Variants in ZKSCAN3 observed in about 807,000 individuals in gnomAD.
The protein encoded by ZKSCAN3 is zinc finger protein with KRAB and SCAN domains 3.
Under a neutral mutation model 30.7 loss-of-function variants are expected in ZKSCAN3, and 21 were observed. The ratio of observed to expected loss-of-function variants is 0.68; its 90% CI spans 0.49 to 0.99. The LOEUF (loss-of-function observed/expected upper bound fraction) is 0.99, where lower values mean the gene tolerates loss of function less well. ZKSCAN3 is among the 50% of genes least tolerant of loss of function. The pLI is 0.00. For synonymous variants in ZKSCAN3, 201 were observed against 246.7 expected, an observed-to-expected ratio of 0.81 and a Z score of 1.73; for missense variants, 507 against 647.1, an observed-to-expected ratio of 0.78 and a Z score of 2.35.
intron 4 of ZKSCAN3, 38 bp downstream of exon 4, chr6:28,363,423 C>A: frequency 1.3e-6 from 2 of 1,588,090 alleles, no homozygotes; most frequent in Middle Eastern, 1.7e-4. Context: ...ATGCCCCTCA[C>A]TACTATTGAG....
At chr6:28,360,599 A>G in intron 2 of ZKSCAN3, 3 of 973,300 alleles carry the variant, frequency 3.1e-6, no homozygotes, top group African/African-American at 3.9e-5. Flanking sequence ...TCCCTGTTTT[A>G]TGAGACTGTG....
At chr6:28,356,646 G>A (rs915763131) in intron 1 of ZKSCAN3, among the ~76,000 whole-genome samples, 1 of 152,246 alleles carries the variant, frequency 6.6e-6, no homozygotes, top group Non-Finnish European at 1.5e-5. Flanking sequence ...TCCCTGCACT[G>A]CGTCCAGCAG....
intron 2 of ZKSCAN3, chr6:28,360,736 C>T (rs982714130): frequency 8.1e-6 from 8 of 985,300 alleles, no homozygotes; most frequent in Admixed American, 1.2e-4. Flanking sequence ...AGGCCTGTAA[C>T]AGTGGAAAGT....
Position 28,359,792 on chromosome 6 carries a change from A to AGCTCT in ZKSCAN3, c.209_213dup (p.Arg72SerfsTer26). On this transcript the variant is annotated frameshift_variant, in exon 2 of 6. Coordinates refer to ENST00000252211, the MANE Select transcript of ZKSCAN3 (RefSeq NM_024493.4). LOFTEE classifies it high-confidence loss of function. ...CGCGAGGCGCTGAGTCGGCTCCGAGAGCTCTGCCGACAGTGGCTGCAGCCT... is the reference window on the plus strand; with the variant it reads ...CGCGAGGCGCTGAGTCGGCTCCGAGAGCTCTGCTCTGCCGACAGTGGCTGCAGCCT... 1 of 1,614,182 alleles carries AGCTCT rather than the reference A, an allele frequency of 6.2e-7. No individual in the cohort carries two copies. The highest frequency in any genetic ancestry group is 8.5e-7 in the Non-Finnish European group (1 of 1,180,040).
intron 1 of ZKSCAN3, among the ~76,000 whole-genome samples, chr6:28,359,024 G>A (rs1393002978): frequency 3.9e-5 from 6 of 152,138 alleles, no homozygotes; most frequent in Non-Finnish European, 4.4e-5. Flanking sequence ...TGTTGGTAGG[G>A]CTGGGCTATT....
At position 28,366,029 on chromosome 6, in the gene ZKSCAN3, T is replaced by A; in HGVS notation, c.1361T>A (p.Val454Asp). 6.2e-7 allele frequency: 1 copy of A among 1,612,422 alleles called. No homozygotes were observed. The highest frequency in any genetic ancestry group is 8.5e-7 in the Non-Finnish European group (1 of 1,179,352). The change falls in exon 6 of 6, where the codon GTT (valine) becomes GAT (aspartate). Residue 454 changes from valine (V) to aspartate (D), a missense_variant. By Grantham distance (152) the Val-to-Asp change is radical. Transcript: ENST00000252211. ...AGGATCCATACTGGGGATAAAAATG[T>A]TCAGGAACCTGAGCAGGGAGAGGCC... is the stretch of plus-strand genomic sequence containing the variant. ...HQRIHTGDKN[V>D]QEPEQGEAWK...
chr6:28,362,992 T>C (rs1765823388), intron 3 of ZKSCAN3, among the ~76,000 whole-genome samples: 1 of 152,236 alleles, frequency 6.6e-6, no homozygotes, highest in South Asian at 2.1e-4. Context: ...TGCATTGTTT[T>C]CGTGTATCTG....
rs139866117 is a variant in ZKSCAN3, at chr6:28,351,288, G to C, written c.-63+1221G>C. Among the ~76,000 whole-genome samples, 1 of 152,248 alleles carries C rather than the reference G, an allele frequency of 6.6e-6. No homozygotes were observed. The highest frequency in any genetic ancestry group is 1.9e-4 in the East Asian group (1 of 5,180). ...AGTTTGTGGAATAAATGATATAAAT[G>C]TATCAGTGTTGTTTTCCTGCCATAG... On this transcript the variant is annotated intron_variant, in intron 1 of 5. Transcript: ENST00000252211. The surrounding 1 kb of genome is among the most constrained non-coding windows in gnomAD (Gnocchi z 4.6).
rs1307731804 is a variant in ZKSCAN3, at chr6:28,368,894, G to C, written c.*2609G>C. On this transcript the variant is annotated 3_prime_UTR_variant, in exon 6 of 6. Coordinates refer to ENST00000252211, the MANE Select transcript of ZKSCAN3 (RefSeq NM_024493.4). Reference sequence around the variant, plus strand: ...AATCTCTTCCATATTTATAATATCAGTCAAAAACTCTGGAATTCAAATATA... The same window carrying C: ...AATCTCTTCCATATTTATAATATCACTCAAAAACTCTGGAATTCAAATATA... The C allele has an allele frequency of 6.5e-6, 1 of 153,060 alleles. No individual in the cohort carries two copies. The highest frequency in any genetic ancestry group is 1.9e-4 in the East Asian group (1 of 5,206). 9.5% of individuals were successfully genotyped at this position (153,060 alleles called of 1,614,324 possible).
chr6:28,350,650 A>T (rs1397701600), intron 1 of ZKSCAN3, among the ~76,000 whole-genome samples: 2 of 152,196 alleles, frequency 1.3e-5, no homozygotes, highest in African/African-American at 2.4e-5. Context: ...TGCTTTTATT[A>T]GTGGTACTAT....
At chr6:28,363,472 C>T (rs995120637) in intron 4 of ZKSCAN3, 87 bp downstream of exon 4, 11 of 1,382,956 alleles carry the variant, frequency 8.0e-6, no homozygotes, top group African/African-American at 2.9e-5. Context: ...TCCCCTCCAC[C>T]CCAATCCTAG....
chr6:28,359,929 G>A lies in ZKSCAN3; in HGVS notation c.343G>A (p.Glu115Lys). 6.2e-7 allele frequency: 1 copy of A among 1,614,172 alleles called. No homozygotes were observed. The highest frequency in any genetic ancestry group is 8.5e-7 in the Non-Finnish European group (1 of 1,180,020). ...GCGGGAGCAGCATCCAGAGAGCGGG[G>A]AGGAGGTGGTGGTGCTATTGGAGTA... ...WVREQHPESG[E>K]EVVVLLEYLE... Residue 115 changes from glutamate (E) to lysine (K), a missense_variant, in exon 2 of 6, where the codon GAG (glutamate) becomes AAG (lysine). Coordinates refer to ENST00000252211, the MANE Select transcript of ZKSCAN3 (RefSeq NM_024493.4).
Position 28,359,488 on chromosome 6 carries a change from C to A in ZKSCAN3, c.-62-37C>A, listed in dbSNP as rs975981819. 1.6e-5 allele frequency: 24 copies of A among 1,472,532 alleles called. No individual in the cohort carries two copies. In the African/African-American group the frequency reaches 2.8e-4, roughly 17 times the overall value. 91.2% of individuals were successfully genotyped at this position (1,472,532 alleles called of 1,614,324 possible). A position where few individuals can be genotyped will look rare whatever the true frequency, so the allele number is the denominator to read the frequency against. On this transcript the variant is annotated intron_variant, in intron 1 of 5. Coordinates refer to ENST00000252211, the MANE Select transcript of ZKSCAN3 (RefSeq NM_024493.4). ...TGGGCAGGAGAGAAGGGACTACTTGCAAGTTTACTGGTTAATAATGATTTC... is the reference window on the plus strand; with the variant it reads ...TGGGCAGGAGAGAAGGGACTACTTGAAAGTTTACTGGTTAATAATGATTTC...
In ZKSCAN3 at chr6:28,365,362, GT is replaced by G. The variant is rs1348803344; in HGVS notation, c.758-63del. On this transcript the variant is annotated intron_variant, in intron 5 of 5. Coordinates refer to ENST00000252211, the MANE Select transcript of ZKSCAN3 (RefSeq NM_024493.4). The stretch of plus-strand genomic sequence containing the variant: ...GACCTCTGTAATTCTTGCCTCCCTG[GT>G]ACTCATCACAGAGCTTTCCTTCCAT... The G allele has an allele frequency of 2.6e-6, 4 of 1,550,882 alleles. No homozygotes were observed. The African/African-American group carries it at 4.1e-5, about 16-fold the overall frequency.
At chr6:28,363,521 C>G in intron 4 of ZKSCAN3, 136 bp downstream of exon 4, 1 of 1,280,246 alleles carries the variant, frequency 7.8e-7, no homozygotes, top group Non-Finnish European at 1.1e-6. Context: ...TGCATTTTCT[C>G]ATCTATCTCG....
chr6:28,357,303 T>C (rs914624814), intron 1 of ZKSCAN3, among the ~76,000 whole-genome samples: 4 of 152,190 alleles, frequency 2.6e-5, no homozygotes, highest in Admixed American at 2.0e-4. Flanking sequence ...ACTTAATGCT[T>C]ACAATGGCCC....
rs374552564 is a variant in ZKSCAN3, at chr6:28,359,547, T to C, written c.-40T>C. On this transcript the variant is annotated 5_prime_UTR_variant, in exon 2 of 6. Transcript: ENST00000252211. ...CAGGGATCTTCTGCAGAAATAGCGC[T>C]GGAAGCTAGAGTGAGGCCTGAGTAC... 31 of 1,584,182 alleles carry C rather than the reference T, an allele frequency of 2.0e-5. No individual in the cohort carries two copies. The highest frequency in any genetic ancestry group is 2.3e-5 in the Non-Finnish European group (27 of 1,164,230).
chr6:28,360,154 AT>A (rs34299481), intron 2 of ZKSCAN3, 166 bp downstream of exon 2: 90,649 of 1,195,446 alleles, frequency 0.076, 4,801 homozygotes, highest in African/African-American at 0.19. Context: ...TCTCAGAATA[AT>A]TTTTTTTTTA....
At position 28,363,787 on chromosome 6, in the gene ZKSCAN3, G is replaced by A; in HGVS notation, c.729G>A (p.Gln243=). ...SQGNLCRDEK[Q]ENHGSLVSLG... Reference sequence around the variant, plus strand: ...GGAATCTCTGTAGAGATGAAAAGCAGGAGAACCATGGCAGCCTGGTCTCCC... The same window carrying A: ...GGAATCTCTGTAGAGATGAAAAGCAAGAGAACCATGGCAGCCTGGTCTCCC... Residue 243 remains glutamine (Q), a synonymous_variant, in exon 5 of 6, where the codon CAG becomes CAA. Coordinates refer to ENST00000252211, the MANE Select transcript of ZKSCAN3 (RefSeq NM_024493.4). 1 of 1,613,966 alleles carries A rather than the reference G, an allele frequency of 6.2e-7. No individual in the cohort carries two copies. Among genetic ancestry groups the A allele is most frequent in the South Asian group, 1.1e-5 (1 of 91,082 alleles).
Sources: gnomAD v4.1 joint callset for allele counts (sites outside exome capture counted in the v4.1 genomes callset) on GRCh38, gnomAD v4.1.1 for gene constraint, Gnocchi (gnomAD v3.1) non-coding constraint, MANE v1.5 for transcripts, NCBI Gene and HGNC (gene_info 2026-07-23, HGNC 2026-07-21) for gene names.